SRD5A1: variants seen among roughly 807,000 people sequenced by gnomAD.
SRD5A1 encodes 3-oxo-5-alpha-steroid 4-dehydrogenase 1.
SRD5A1 carries 22 observed loss-of-function variants against 28.2 expected under a neutral mutation model. The observed-to-expected ratio is 0.78, with a 90% confidence interval of 0.56 to 1.12. SRD5A1 has a LOEUF of 1.12. Ranked by LOEUF, SRD5A1 falls within the 50% of genes most tolerant of loss-of-function variation. The pLI, the probability that SRD5A1 is intolerant of heterozygous loss-of-function variation, is 0.00. For missense variants in SRD5A1, 300 were observed against 346.7 expected (o/e 0.87, Z 1.07); for synonymous variants, 151 against 135.0 (o/e 1.12, Z -0.82).
intron 1 of SRD5A1, among the ~76,000 whole-genome samples, chr5:6,638,052 T>C (rs1295855403): frequency 6.6e-6 from 1 of 152,180 alleles, no homozygotes; most frequent in Non-Finnish European, 1.5e-5. Context: ...ATTGTAGTTT[T>C]TTTAGGCTGG....
intron 2 of SRD5A1, among the ~76,000 whole-genome samples, chr5:6,652,213 C>A (rs969986314): frequency 3.9e-5 from 6 of 152,198 alleles, no homozygotes; most frequent in African/African-American, 7.2e-5. Flanking sequence ...GGGCACCTTC[C>A]CCCGCACGGG....
At chr5:6,661,394 C>A (rs201274921) in intron 3 of SRD5A1, among the ~76,000 whole-genome samples, 52 of 128,422 alleles carry the variant, frequency 4.0e-4, no homozygotes, top group African/African-American at 6.7e-4. Context: ...TACAAAACTC[C>A]AAAAAAAAAA....
intron 1 of SRD5A1, among the ~76,000 whole-genome samples, chr5:6,634,422 G>C (rs899453776): frequency 1.3e-5 from 2 of 151,862 alleles, no homozygotes; most frequent in African/African-American, 4.8e-5. Flanking sequence ...CTGTGGGGGC[G>C]GGGGGGAGGG....
intron 1 of SRD5A1, among the ~76,000 whole-genome samples, chr5:6,644,475 G>A (rs1039690717): frequency 4.6e-5 from 7 of 152,132 alleles, no homozygotes; most frequent in Non-Finnish European, 1.0e-4. Flanking sequence ...GTAACTCTCA[G>A]GGAAGTTTTC....
chr5:6,637,798 C>T (rs1301504428), intron 1 of SRD5A1, among the ~76,000 whole-genome samples: 1 of 152,186 alleles, frequency 6.6e-6, no homozygotes. Context: ...GACACCTGTC[C>T]CAGGTTTGTA....
Position 6,633,652 on chromosome 5 carries a change from G to A in SRD5A1, c.76G>A (p.Ala26Thr). The A allele has an allele frequency of 1.3e-6, 2 of 1,569,068 alleles. No homozygotes were observed. The highest frequency in any genetic ancestry group is 1.7e-6 in the Non-Finnish European group (2 of 1,164,974). ...LAYLQCAVGC[A>T]VFARNRQTNS... ...CTACCTGCAGTGCGCCGTGGGCTGCGCGGTCTTCGCGCGCAATCGTCAGAC... is the reference window on the plus strand; with the variant it reads ...CTACCTGCAGTGCGCCGTGGGCTGCACGGTCTTCGCGCGCAATCGTCAGAC... The change falls in exon 1 of 5, where the codon GCG becomes ACG. Residue 26 changes from alanine to threonine, a missense_variant. This residue lies in a region of SRD5A1 where 174 missense variants were observed against 160.9 expected (regional missense o/e 1.08). Transcript: ENST00000274192.
chr5:6,644,892 A>C (rs544552559), intron 1 of SRD5A1: 25 of 456,094 alleles, frequency 5.5e-5, no homozygotes, highest in African/African-American at 5.0e-4. Context: ...GATCTGAATC[A>C]TGATTCCAAG....
At chr5:6,645,983 A>G (rs1054134772) in intron 1 of SRD5A1, among the ~76,000 whole-genome samples, 4 of 152,000 alleles carry the variant, frequency 2.6e-5, no homozygotes, top group African/African-American at 9.7e-5. Context: ...TCCTAATGCT[A>G]TCCTTCCCCC....
rs150935677 is a variant in SRD5A1 at position 6,655,094 on chromosome 5, A to T, written c.461-984A>T. 2.2e-3 allele frequency among the ~76,000 whole-genome samples: 339 copies of T among 152,354 alleles called. 2 individuals are homozygous for T. Among genetic ancestry groups the T allele is most frequent in the African/African-American group, 7.8e-3 (326 of 41,586 alleles). The stretch of plus-strand genomic sequence containing the variant: ...TCTTGAAACCCTTGCTATAGACCAG[A>T]AGGTTTTCCATGTCCTTTTTCTAAC... On this transcript the variant is annotated intron_variant, in intron 2 of 4. Transcript: ENST00000274192.
intron 1 of SRD5A1, among the ~76,000 whole-genome samples, chr5:6,645,639 CA>C (rs35510604): frequency 0.45 from 55,179 of 121,434 alleles, 10,560 homozygotes; most frequent in Middle Eastern, 0.5. Context: ...AACTCCATCT[CA>C]AAAAAAAAAA....
intron 1 of SRD5A1, among the ~76,000 whole-genome samples, chr5:6,645,787 A>G (rs139894079): frequency 6.6e-6 from 1 of 152,110 alleles, no homozygotes; most frequent in East Asian, 1.9e-4. Flanking sequence ...CCCTGACTCT[A>G]TTTTTGCCTT....
In SRD5A1 at chr5:6,633,855, C is replaced by T. The variant is rs1331713156; in HGVS notation, c.279C>T (p.Val93=). ...GCATCCTCCTGGCCATGTTCCTCGT[C>T]CACTACGGGCATCGGTAACGTCCCC... ...PNCILLAMFL[V]HYGHRCLIYP... Residue 93 remains valine, a synonymous_variant, in exon 1 of 5, where the codon GTC becomes GTT. Coordinates refer to ENST00000274192, the MANE Select transcript of SRD5A1 (RefSeq NM_001047.4). 8 of 1,597,246 alleles carry T rather than the reference C, an allele frequency of 5.0e-6. No homozygotes were observed. Among genetic ancestry groups the T allele is most frequent in the Non-Finnish European group, 5.9e-6 (7 of 1,179,426 alleles).
intron 1 of SRD5A1, among the ~76,000 whole-genome samples, chr5:6,643,533 A>G (rs1425361710): frequency 6.6e-6 from 1 of 152,090 alleles, no homozygotes; most frequent in Non-Finnish European, 1.5e-5. Context: ...ACAGCCATCT[A>G]CCTGCCTTGG....
At position 6,638,208 on chromosome 5, in the gene SRD5A1, G is replaced by A. The variant is rs191313264; in HGVS notation, c.293+4339G>A. Among the ~76,000 whole-genome samples, 324 of 152,244 alleles carry A rather than the reference G, an allele frequency of 2.1e-3. 1 individual carries two copies. Among genetic ancestry groups the A allele is most frequent in the African/African-American group, 7.3e-3 (302 of 41,538 alleles). On this transcript the variant is annotated intron_variant, in intron 1 of 4. Transcript: ENST00000274192. ...ACAAAATTTAGCTGGGTGTGGTGGCGCATGCCTGTAATCCCAGCTACTTGG... is the reference window on the plus strand; with the variant it reads ...ACAAAATTTAGCTGGGTGTGGTGGCACATGCCTGTAATCCCAGCTACTTGG...
At chr5:6,664,733 A>T (rs1160525700) in intron 4 of SRD5A1, among the ~76,000 whole-genome samples, 1 of 152,234 alleles carries the variant, frequency 6.6e-6, no homozygotes, top group Non-Finnish European at 1.5e-5. Context: ...AAGAAGTGAT[A>T]GCATAAATGT....
At chr5:6,657,537 CT>C (rs531216849) in intron 3 of SRD5A1, among the ~76,000 whole-genome samples, 251 of 152,348 alleles carry the variant, frequency 1.6e-3, no homozygotes, top group African/African-American at 4.9e-3. Context: ...TGTTCATCCC[CT>C]GAAGGAGAGG....
intron 1 of SRD5A1, among the ~76,000 whole-genome samples, chr5:6,637,237 A>T (rs942774438): frequency 6.6e-6 from 1 of 151,582 alleles, no homozygotes; most frequent in Admixed American, 6.6e-5. Context: ...GCCTGTGCCT[A>T]CTCCTATCAC....
intron 2 of SRD5A1, among the ~76,000 whole-genome samples, chr5:6,655,158 T>C (rs563595952): frequency 2.0e-5 from 3 of 152,380 alleles, no homozygotes; most frequent in African/African-American, 7.2e-5. Context: ...ATGACTCAGA[T>C]AATAATGATG....
At chr5:6,637,023 G>A (rs962504437) in intron 1 of SRD5A1, among the ~76,000 whole-genome samples, 3 of 152,148 alleles carry the variant, frequency 2.0e-5, no homozygotes, top group Non-Finnish European at 2.9e-5. Context: ...TAGGGCTCAC[G>A]GTAGCGACAA....
Sources: gnomAD v4.1 joint callset for allele counts (sites outside exome capture counted in the v4.1 genomes callset) on GRCh38, gnomAD v4.1.1 for gene constraint, gnomAD v4.1.1 regional missense constraint, MANE v1.5 for transcripts, NCBI Gene and HGNC (gene_info 2026-07-23, HGNC 2026-07-21) for gene names.